The following MTUS1 variants were observed in gnomAD, a reference collection of about 807,000 sequenced individuals.
MTUS1 encodes microtubule-associated tumor suppressor 1.
MTUS1 carries 109 observed loss-of-function variants against 120.8 expected under a neutral mutation model. That is an observed-to-expected ratio of 0.90 (90% confidence interval 0.77 to 1.06). MTUS1 has a LOEUF of 1.06. Ranked by LOEUF, MTUS1 falls within the 50% of genes least tolerant of loss-of-function variation. The pLI, the probability that MTUS1 is intolerant of heterozygous loss-of-function variation, is 0.00. For missense variants in MTUS1, 2,210 were observed against 1,486.3 expected, an observed-to-expected ratio of 1.49 and a Z score of -8.01; for synonymous variants, 737 against 550.5, an observed-to-expected ratio of 1.34 and a Z score of -4.74.
chr8:17,792,077 A>C (rs1392117211), intron 1 of MTUS1, among the ~76,000 whole-genome samples: 2 of 152,192 alleles, frequency 1.3e-5, no homozygotes, highest in Admixed American at 6.5e-5. Flanking sequence ...TGCACTCTCT[A>C]TGACATTACT....
At chr8:17,646,913 G>A in intron 14 of MTUS1, 69 bp downstream of exon 14, 2 of 1,119,334 alleles carry the variant, frequency 1.8e-6, no homozygotes, top group Non-Finnish European at 1.4e-6. Flanking sequence ...GGTAGAGCGT[G>A]TCCAGAAAGT....
Position 17,703,997 on chromosome 8 carries a change from G to A in MTUS1, c.2623+9217C>T, listed in dbSNP as rs147250856. 803 of 152,694 alleles carry A rather than the reference G, an allele frequency of 5.3e-3. 1 individual carries two copies. Among genetic ancestry groups the A allele is most frequent in the Non-Finnish European group, 8.3e-3 (570 of 68,534 alleles). 9.5% of individuals were successfully genotyped at this position (152,694 alleles called of 1,614,324 possible). ...GTTTCGCGGCTTAGGTGGACATCAC[G>A]GACCTACCAATATGATGTCACCCCT... On this transcript the variant is annotated intron_variant, in intron 6 of 14. Transcript: ENST00000693296.
chr8:17,666,812 A>G (rs940527699), intron 8 of MTUS1, among the ~76,000 whole-genome samples: 3 of 152,122 alleles, frequency 2.0e-5, no homozygotes, highest in Non-Finnish European at 4.4e-5. Context: ...AGCACCTATT[A>G]CTATTCCTTA....
In MTUS1 at chr8:17,653,486, C is replaced by T; in HGVS notation, c.3227G>A (p.Gly1076Asp). The change falls in exon 11 of 15, where the codon GGC becomes GAC. Residue 1076 changes from glycine (G) to aspartate (D), a missense_variant. Physicochemically the swap from Gly to Asp is moderately conservative, Grantham distance 94. Transcript: ENST00000693296. Reference sequence around the variant, plus strand: ...AAGCGATTTCTTTTCTATTTCATGGCCTTTCTTAATTTCTGGGAAAATAAA... The same window carrying T: ...AAGCGATTTCTTTTCTATTTCATGGTCTTTCTTAATTTCTGGGAAAATAAA... The part of the protein sequence containing the change: ...YEASLSEIKK[G>D]HEIEKKSLED... 1 of 1,610,560 alleles carries T rather than the reference C, an allele frequency of 6.2e-7. No individual in the cohort carries two copies. The highest frequency in any genetic ancestry group is 8.5e-7 in the Non-Finnish European group (1 of 1,178,170).
intron 8 of MTUS1, among the ~76,000 whole-genome samples, chr8:17,670,189 G>A (rs1208944817): frequency 2.6e-5 from 4 of 152,196 alleles, no homozygotes; most frequent in African/African-American, 4.8e-5. Context: ...GCTGCATGGC[G>A]CTCAGGAAGG....
intron 1 of MTUS1, among the ~76,000 whole-genome samples, chr8:17,780,447 G>C (rs186731526): frequency 5.9e-5 from 9 of 152,224 alleles, no homozygotes; most frequent in Admixed American, 3.3e-4. Context: ...GTCTAAAAGG[G>C]AACTCTGGGC....
intron 8 of MTUS1, among the ~76,000 whole-genome samples, chr8:17,664,650 C>G (rs1291068287): frequency 6.6e-6 from 1 of 152,088 alleles, no homozygotes; most frequent in Non-Finnish European, 1.5e-5. Flanking sequence ...ACAGAACTGT[C>G]ACTTCTCTTG....
At chr8:17,680,461 TCG>T (rs1563190167) in intron 7 of MTUS1, among the ~76,000 whole-genome samples, 5 of 36,044 alleles carry the variant, frequency 1.4e-4, no homozygotes, top group Admixed American at 5.8e-4. Flanking sequence ...AAGGCCACTG[TCG>T]CAAAAAAAAA....
intron 8 of MTUS1, among the ~76,000 whole-genome samples, chr8:17,656,501 C>T (rs527867605): frequency 1.6e-4 from 24 of 150,764 alleles, no homozygotes; most frequent in Middle Eastern, 3.5e-3. Flanking sequence ...GCACTATAGC[C>T]GGGGTGACAG....
In MTUS1 at chr8:17,731,273, G is replaced by A. The variant is rs1405853570; in HGVS notation, c.2288-7440C>T. Among the ~76,000 whole-genome samples the A allele has an allele frequency of 2.6e-5, 4 of 152,126 alleles. No homozygotes were observed. In the East Asian group the frequency reaches 5.8e-4, roughly 22 times the overall value. The stretch of plus-strand genomic sequence containing the variant: ...GACAATCTCGAGGTAGATCGTCTAG[G>A]TTCAAACCCGGCGCCACCTCACACT... On this transcript the variant is annotated intron_variant, in intron 3 of 14. Coordinates refer to ENST00000693296, the MANE Select transcript of MTUS1 (RefSeq NM_001363059.2).
chr8:17,676,352 C>A (rs888501404), intron 7 of MTUS1: 2 of 702,858 alleles, frequency 2.8e-6, no homozygotes, highest in Non-Finnish European at 5.2e-6. Flanking sequence ...GTCTCCAAGT[C>A]CCCCCACCCC....
At chr8:17,707,608 A>C (rs1820430063) in intron 6 of MTUS1, among the ~76,000 whole-genome samples, 1 of 152,180 alleles carries the variant, frequency 6.6e-6, no homozygotes, top group Non-Finnish European at 1.5e-5. Flanking sequence ...CATTCCTAAA[A>C]CCTCACCTGA....
chr8:17,765,055 G>C (rs1383531060), intron 1 of MTUS1, among the ~76,000 whole-genome samples: 2 of 152,174 alleles, frequency 1.3e-5, no homozygotes, highest in Admixed American at 1.3e-4. Context: ...AGTGATGGGA[G>C]ACAGTGACAG....
intron 1 of MTUS1, among the ~76,000 whole-genome samples, chr8:17,758,582 T>A (rs571088410): frequency 1.3e-5 from 2 of 152,208 alleles, no homozygotes; most frequent in Admixed American, 1.3e-4. Context: ...AATCAAGAAA[T>A]ATATTTATTC....
At chr8:17,759,761 T>A (rs1179880017) in intron 1 of MTUS1, among the ~76,000 whole-genome samples, 2 of 151,268 alleles carry the variant, frequency 1.3e-5, no homozygotes, top group Non-Finnish European at 2.9e-5. Flanking sequence ...ATAAAAACAT[T>A]TTTAACGGTT....
In MTUS1 at chr8:17,755,780, T is replaced by C; in HGVS notation, c.28A>G (p.Ile10Val). MTDDNSDDKIEDELQTFFTS... is the reference protein window; with the variant it reads MTDDNSDDKVEDELQTFFTS... ...AAGAAGGTTTGCAATTCATCTTCTA[T>C]TTTATCATCTGAATTATCATCAGTC... is the stretch of plus-strand genomic sequence containing the variant. The change falls in exon 2 of 15, where the codon ATA (isoleucine) becomes GTA (valine). Residue 10 changes from isoleucine to valine, a missense_variant. Ile to Val is a conservative substitution (Grantham distance 29). Transcript: ENST00000693296. The C allele has an allele frequency of 6.2e-7, 1 of 1,613,632 alleles. No homozygotes were observed. The highest frequency in any genetic ancestry group is 1.1e-5 in the South Asian group (1 of 91,044).
At chr8:17,762,548 G>A (rs975245039) in intron 1 of MTUS1, among the ~76,000 whole-genome samples, 1 of 152,164 alleles carries the variant, frequency 6.6e-6, no homozygotes, top group African/African-American at 2.4e-5. Context: ...TAGGAACCGA[G>A]TAGAGGAGTA....
intron 2 of MTUS1, among the ~76,000 whole-genome samples, chr8:17,744,551 G>C (rs2047586983): frequency 6.6e-6 from 1 of 152,072 alleles, no homozygotes. Flanking sequence ...CTCCTGAGTA[G>C]CTGGGATTAC....
At chr8:17,719,219 T>C (rs548296523) in intron 4 of MTUS1, among the ~76,000 whole-genome samples, 1 of 152,308 alleles carries the variant, frequency 6.6e-6, no homozygotes, top group African/African-American at 2.4e-5. Context: ...ATCTGCAAAC[T>C]AACATTCATA....
Sources: allele counts gnomAD v4.1 joint callset (sites outside exome capture counted in the v4.1 genomes callset), GRCh38; gene constraint gnomAD v4.1.1; transcripts MANE v1.5; gene names NCBI Gene and HGNC (gene_info 2026-07-23, HGNC 2026-07-21).